The following PSKH1 variants were observed in gnomAD, a reference collection of about 807,000 sequenced individuals.
The protein encoded by PSKH1 is serine/threonine-protein kinase H1.
A neutral mutation model predicts 26.7 loss-of-function variants in PSKH1; 12 were observed. That is an observed-to-expected ratio of 0.45 (90% confidence interval 0.29 to 0.73). The LOEUF (loss-of-function observed/expected upper bound fraction) is 0.73, where lower values mean the gene tolerates loss of function less well. Ranked by LOEUF, PSKH1 falls within the 30% of genes least tolerant of loss-of-function variation. The pLI, the probability that PSKH1 is intolerant of heterozygous loss-of-function variation, is 0.11. For missense variants in PSKH1, 431 were observed against 595.2 expected, an observed-to-expected ratio of 0.72 and a Z score of 2.87; for synonymous variants, 213 against 234.3, an observed-to-expected ratio of 0.91 and a Z score of 0.83.
At chr16:67,911,454 A>T (rs563478727) in intron 2 of PSKH1, among the ~76,000 whole-genome samples, 12 of 152,212 alleles carry the variant, frequency 7.9e-5, no homozygotes, top group Admixed American at 7.2e-4. Flanking sequence ...AGGCCGAGAC[A>T]GGTGGATTAC....
chr16:67,924,065 C>A (rs1567402211), intron 2 of PSKH1, among the ~76,000 whole-genome samples: 1 of 152,212 alleles, frequency 6.6e-6, no homozygotes, highest in African/African-American at 2.4e-5. Flanking sequence ...TAAGCCCCTG[C>A]CTCACTGTCA....
chr16:67,898,296 C>T (rs2151309968), intron 1 of PSKH1, among the ~76,000 whole-genome samples: 1 of 152,236 alleles, frequency 6.6e-6, no homozygotes, highest in Non-Finnish European at 1.5e-5. Flanking sequence ...ATCCTAGGTA[C>T]TCGGGGGCTG....
intron 2 of PSKH1, among the ~76,000 whole-genome samples, chr16:67,922,191 A>T (rs548035057): frequency 9.7e-4 from 148 of 152,138 alleles, no homozygotes; most frequent in Admixed American, 2.7e-3. Flanking sequence ...CTCTGCTGCC[A>T]CACAGTGTCT....
intron 1 of PSKH1, among the ~76,000 whole-genome samples, chr16:67,896,853 C>A (rs1317817785): frequency 6.6e-6 from 1 of 152,146 alleles, no homozygotes; most frequent in South Asian, 2.1e-4. Flanking sequence ...AACCTGTTTG[C>A]ATCTGACACT....
intron 1 of PSKH1, among the ~76,000 whole-genome samples, chr16:67,906,208 G>T (rs2058155581): frequency 6.6e-6 from 1 of 151,876 alleles, no homozygotes; most frequent in Non-Finnish European, 1.5e-5. Flanking sequence ...AAGTAGCTGG[G>T]ATTACAGGCA....
intron 1 of PSKH1, among the ~76,000 whole-genome samples, chr16:67,896,301 G>T (rs1224459194): frequency 1.3e-5 from 2 of 151,778 alleles, no homozygotes; most frequent in Non-Finnish European, 2.9e-5. Context: ...TAGAGACGAG[G>T]TTTCACCGTA....
At chr16:67,896,502 T>C (rs2058126831) in intron 1 of PSKH1, among the ~76,000 whole-genome samples, 1 of 151,680 alleles carries the variant, frequency 6.6e-6, no homozygotes, top group African/African-American at 2.4e-5. Flanking sequence ...AGGTCATTTC[T>C]GGTCATCGGG....
rs764221259 is a variant in PSKH1 at position 67,908,763 on chromosome 16, C to A, written c.14C>A (p.Thr5Lys). Reference sequence around the variant, plus strand: ...CTCGTGTCCGTGATGGGCTGTGGGACAAGCAAGGTCCTTCCCGAGCCACCC... The same window carrying A: ...CTCGTGTCCGTGATGGGCTGTGGGAAAAGCAAGGTCCTTCCCGAGCCACCC... MGCG[T>K]SKVLPEPPKD... is the part of the protein sequence containing the mutation. The change falls in exon 2 of 3, where the codon ACA becomes AAA. Residue 5 changes from threonine (T) to lysine (K), a missense_variant. Physicochemically the swap from Thr to Lys is moderately conservative, Grantham distance 78. Coordinates refer to ENST00000291041, the MANE Select transcript of PSKH1 (RefSeq NM_006742.3). 2.5e-6 allele frequency: 4 copies of A among 1,586,412 alleles called. No homozygotes were observed. The highest frequency in any genetic ancestry group is 2.6e-6 in the Non-Finnish European group (3 of 1,163,294).
chr16:67,914,598 G>C (rs2151313405), intron 2 of PSKH1, among the ~76,000 whole-genome samples: 1 of 152,280 alleles, frequency 6.6e-6, no homozygotes, highest in Middle Eastern at 3.4e-3. Context: ...GGGATTACAG[G>C]AGTGTGCCAC....
intron 1 of PSKH1, among the ~76,000 whole-genome samples, chr16:67,900,279 C>T (rs2058138108): frequency 6.6e-6 from 1 of 152,112 alleles, no homozygotes; most frequent in Non-Finnish European, 1.5e-5. Context: ...ATTTCATTTG[C>T]TCTGAGTTCA....
chr16:67,904,120 A>G (rs554795638), intron 1 of PSKH1, among the ~76,000 whole-genome samples: 3 of 151,492 alleles, frequency 2.0e-5, no homozygotes, highest in Non-Finnish European at 4.4e-5. Context: ...GGTTCAAACA[A>G]TTCTCCTGCC....
Position 67,909,904 on chromosome 16 carries a change from G to A in PSKH1, c.957+198G>A, listed in dbSNP as rs1457407891. On this transcript the variant is annotated intron_variant, in intron 2 of 2. Coordinates refer to ENST00000291041, the MANE Select transcript of PSKH1 (RefSeq NM_006742.3). This position sits in a 1 kb window ranked among gnomAD's most constrained non-coding sequence, Gnocchi z 7.8. ...TGAGCCCTGAGACAAGGACTTGGGA[G>A]CAGATAGTTTATTTGGGATGTGATT... The A allele has an allele frequency of 5.1e-6, 3 of 593,290 alleles. No individual in the cohort carries two copies. Among genetic ancestry groups the A allele is most frequent in the Non-Finnish European group, 9.0e-6 (3 of 334,440 alleles). The allele number at this position is 593,290 out of a possible 1,614,324, so 36.8% of individuals were successfully genotyped here. A position where few individuals can be genotyped will look rare whatever the true frequency, so the allele number is the denominator to read the frequency against.
intron 1 of PSKH1, among the ~76,000 whole-genome samples, chr16:67,905,285 A>T (rs1166684358): frequency 4.6e-5 from 7 of 151,776 alleles, no homozygotes; most frequent in South Asian, 2.1e-4. Flanking sequence ...CTCCATAACC[A>T]CCTTCTGCTG....
At chr16:67,894,845 C>T (rs768371175) in intron 1 of PSKH1, among the ~76,000 whole-genome samples, 2 of 151,770 alleles carry the variant, frequency 1.3e-5, no homozygotes, top group Non-Finnish European at 2.9e-5. Flanking sequence ...GTAGTACAGC[C>T]TCTTAATCCT....
chr16:67,927,240 G>T lies in PSKH1; in HGVS notation c.958-85G>T. ...AGGGGCAGCACCTCTCTCTGGAAAG[G>T]GGAGGGTTGCTGAGTAGTGGCCTCA... On this transcript the variant is annotated intron_variant, in intron 2 of 2. Transcript: ENST00000291041. This position sits in a 1 kb window ranked among gnomAD's most constrained non-coding sequence, Gnocchi z 5.5. The T allele has an allele frequency of 7.4e-7, 1 of 1,360,034 alleles. No homozygotes were observed. The highest frequency in any genetic ancestry group is 1.4e-5 in the South Asian group (1 of 73,350). The allele number at this position is 1,360,034 out of a possible 1,614,324, so 84.2% of individuals were successfully genotyped here. A position where few individuals can be genotyped will look rare whatever the true frequency, so the allele number is the denominator to read the frequency against.
intron 2 of PSKH1, among the ~76,000 whole-genome samples, chr16:67,911,345 G>A (rs543492987): frequency 6.6e-6 from 1 of 152,334 alleles, no homozygotes; most frequent in Non-Finnish European, 1.5e-5. Context: ...CCAGGGGTGT[G>A]GGCTGGGCCT....
At chr16:67,906,073 A>AT (rs879710546) in intron 1 of PSKH1, among the ~76,000 whole-genome samples, 40 of 147,348 alleles carry the variant, frequency 2.7e-4, no homozygotes, top group East Asian at 4.0e-4. Context: ...ATTTGTCATA[A>AT]TTTTTTTTTT....
At chr16:67,908,369 A>G (rs1349343006) in intron 1 of PSKH1, among the ~76,000 whole-genome samples, 2 of 152,202 alleles carry the variant, frequency 1.3e-5, no homozygotes. Flanking sequence ...TCCTGGGTTC[A>G]ATCGATTCTT....
rs78373089 is a variant in PSKH1 at position 67,916,754 on chromosome 16, C to T, written c.957+7048C>T. 6.6e-3 allele frequency among the ~76,000 whole-genome samples: 1,003 copies of T among 152,200 alleles called. 15 individuals are homozygous for T. The highest frequency in any genetic ancestry group is 0.022 in the African/African-American group (931 of 41,526). ...GATCAGGGATCCCAGGGAGTGGGATCCACATGGCATATGTAAGCCACAGTA... is the reference window on the plus strand; with the variant it reads ...GATCAGGGATCCCAGGGAGTGGGATTCACATGGCATATGTAAGCCACAGTA... On this transcript the variant is annotated intron_variant, in intron 2 of 2. Transcript: ENST00000291041.
Sources: allele counts gnomAD v4.1 joint callset (sites outside exome capture counted in the v4.1 genomes callset), GRCh38; gene constraint gnomAD v4.1.1; non-coding constraint Gnocchi (gnomAD v3.1); transcripts MANE v1.5; gene names NCBI Gene and HGNC (gene_info 2026-07-23, HGNC 2026-07-21).